RAD51B: variants seen among roughly 807,000 people sequenced by gnomAD.
The protein encoded by RAD51B is RAD51 paralog B.
A neutral mutation model predicts 42.2 loss-of-function variants in RAD51B; 38 were observed. The ratio of observed to expected loss-of-function variants is 0.90; its 90% CI spans 0.70 to 1.18. RAD51B has a LOEUF of 1.18. RAD51B is among the 50% of genes most tolerant of loss of function. RAD51B has a pLI of 0.00. For missense variants in RAD51B, 373 were observed against 400.7 expected (o/e 0.93, Z 0.59); for synonymous variants, 154 against 145.2 (o/e 1.06, Z -0.43).
intron 8 of RAD51B, among the ~76,000 whole-genome samples, chr14:68,380,941 A>G (rs940845362): frequency 2.0e-5 from 3 of 152,228 alleles, no homozygotes; most frequent in Non-Finnish European, 4.4e-5. Flanking sequence ...AGTTAGATCA[A>G]TCAGTAGGGT....
At chr14:68,568,004 T>C (rs540934126) in intron 10 of RAD51B, among the ~76,000 whole-genome samples, 22 of 152,324 alleles carry the variant, frequency 1.4e-4, no homozygotes, top group Middle Eastern at 3.4e-3. Context: ...CCATAAGTCC[T>C]TGGTGATTGA....
intron 8 of RAD51B, among the ~76,000 whole-genome samples, chr14:68,386,535 A>G (rs1234573991): frequency 2.6e-5 from 4 of 152,196 alleles, no homozygotes; most frequent in African/African-American, 9.7e-5. Flanking sequence ...CATTTAGCAC[A>G]TGCAGGGCTC....
At chr14:68,376,746 C>G (rs2083378261) in intron 8 of RAD51B, among the ~76,000 whole-genome samples, 1 of 152,158 alleles carries the variant, frequency 6.6e-6, no homozygotes, top group South Asian at 2.1e-4. Context: ...TCAAAAGTTG[C>G]TTGATAAATC....
intron 7 of RAD51B, among the ~76,000 whole-genome samples, chr14:68,174,151 T>G (rs1319464831): frequency 6.6e-6 from 1 of 152,192 alleles, no homozygotes; most frequent in Non-Finnish European, 1.5e-5. Context: ...CTCTGCATGT[T>G]CAGACTCTAG....
chr14:68,540,706 A>G, intron 10 of RAD51B: 2 of 985,378 alleles, frequency 2.0e-6, no homozygotes, highest in Non-Finnish European at 2.4e-6. Flanking sequence ...TAGCCAACCA[A>G]AAGAAAGAGA....
intron 10 of RAD51B, among the ~76,000 whole-genome samples, chr14:68,510,645 G>A (rs1885665205): frequency 6.6e-6 from 1 of 152,190 alleles, no homozygotes; most frequent in African/African-American, 2.4e-5. Flanking sequence ...CCGTCCCGAG[G>A]CCTTCAGCAA....
chr14:68,183,209 A>G (rs1029967772), intron 7 of RAD51B, among the ~76,000 whole-genome samples: 4 of 152,216 alleles, frequency 2.6e-5, no homozygotes, highest in African/African-American at 9.7e-5. Flanking sequence ...CCAAGTCCCA[A>G]GACCTCAAAA....
At chr14:68,120,081 G>A (rs1171579259) in intron 7 of RAD51B, among the ~76,000 whole-genome samples, 14 of 152,076 alleles carry the variant, frequency 9.2e-5, no homozygotes, top group African/African-American at 1.7e-4. Flanking sequence ...GATGGTGAGC[G>A]TTTTTTCATG....
rs1368580979 is a variant in RAD51B at position 68,159,496 on chromosome 14, T to C, written c.757-132388T>C. On this transcript the variant is annotated intron_variant, in intron 7 of 10. Transcript: ENST00000471583. ...TTAGCCAGCCACGATGGCGTGTGCC[T>C]GTAATCCCAGCTACTCGGGAGGCTG... Among the ~76,000 whole-genome samples, 6 of 151,930 alleles carry C rather than the reference T, an allele frequency of 3.9e-5. No individual in the cohort carries two copies. The South Asian group carries it at 8.3e-4, about 21-fold the overall frequency.
At chr14:68,446,932 T>A (rs2085434646) in intron 9 of RAD51B, among the ~76,000 whole-genome samples, 1 of 152,126 alleles carries the variant, frequency 6.6e-6, no homozygotes, top group South Asian at 2.1e-4. Flanking sequence ...AATACACATA[T>A]TAAGCTGGGT....
chr14:68,292,057 G>A, intron 8 of RAD51B, 77 bp downstream of exon 8: 1 of 1,346,556 alleles, frequency 7.4e-7, no homozygotes, highest in East Asian at 2.3e-5. Flanking sequence ...CCTGTTGAGA[G>A]CTGGGAGATA....
intron 7 of RAD51B, among the ~76,000 whole-genome samples, chr14:67,993,060 A>G (rs10483806): frequency 0.048 from 7,279 of 152,242 alleles, 631 homozygotes; most frequent in African/African-American, 0.17. Context: ...TCTTCTAATC[A>G]TCCAAGAAAC....
chr14:68,572,265 G>A (rs953913736), intron 10 of RAD51B, among the ~76,000 whole-genome samples: 1 of 152,242 alleles, frequency 6.6e-6, no homozygotes, highest in Non-Finnish European at 1.5e-5. Context: ...CAAACCCACG[G>A]TGGGCTTCAG....
At chr14:68,435,075 C>T (rs1307539292) in intron 9 of RAD51B, among the ~76,000 whole-genome samples, 1 of 152,162 alleles carries the variant, frequency 6.6e-6, no homozygotes, top group Non-Finnish European at 1.5e-5. Context: ...AGGTTTGTTA[C>T]ATGGGTATGT....
chr14:68,516,220 T>G (rs1157915039), intron 10 of RAD51B, among the ~76,000 whole-genome samples: 1 of 152,222 alleles, frequency 6.6e-6, no homozygotes, highest in East Asian at 1.9e-4. Flanking sequence ...AAACCAAAAA[T>G]AATATTTGTT....
chr14:68,297,958 G>A (rs755227442), intron 8 of RAD51B, among the ~76,000 whole-genome samples: 3 of 152,080 alleles, frequency 2.0e-5, no homozygotes, highest in Non-Finnish European at 4.4e-5. Context: ...TTCAGTTTTT[G>A]TTTCCAAAGC....
intron 9 of RAD51B, among the ~76,000 whole-genome samples, chr14:68,438,378 G>A (rs2085198529): frequency 6.6e-6 from 1 of 152,130 alleles, no homozygotes; most frequent in African/African-American, 2.4e-5. Flanking sequence ...AAATGAGTGA[G>A]TGGATGAGGT....
chr14:68,226,981 T>C (rs1251541608), intron 7 of RAD51B, among the ~76,000 whole-genome samples: 1 of 152,204 alleles, frequency 6.6e-6, no homozygotes, highest in Non-Finnish European at 1.5e-5. Context: ...AGGCACTATG[T>C]TAGGTACAGA....
intron 7 of RAD51B, among the ~76,000 whole-genome samples, chr14:68,075,814 A>G (rs755859223): frequency 2.0e-5 from 3 of 152,198 alleles, no homozygotes; most frequent in Non-Finnish European, 2.9e-5. Flanking sequence ...TCCTCTCTGT[A>G]TGGAGGCTGT....
Sources: allele counts gnomAD v4.1 joint callset (sites outside exome capture counted in the v4.1 genomes callset), GRCh38; gene constraint gnomAD v4.1.1; transcripts MANE v1.5; gene names NCBI Gene and HGNC (gene_info 2026-07-23, HGNC 2026-07-21).